Variants in NRCAM observed in about 807,000 individuals in gnomAD.
NRCAM encodes NgCAM-related cell adhesion molecule.
Under a neutral mutation model 156.5 loss-of-function variants are expected in NRCAM, and 83 were observed. The ratio of observed to expected loss-of-function variants is 0.53; its 90% CI spans 0.44 to 0.64. The LOEUF is 0.64. Among genes scored for constraint, NRCAM ranks in the 30% least tolerant of loss-of-function variants. The pLI, the probability that NRCAM is intolerant of heterozygous loss-of-function variation, is 0.00. For missense variants in NRCAM, 1,417 were observed against 1,597.3 expected, an observed-to-expected ratio of 0.89 and a Z score of 1.92; for synonymous variants, 538 against 563.9, an observed-to-expected ratio of 0.95 and a Z score of 0.65.
chr7:108,206,192 A>G (rs7789291), intron 13 of NRCAM, among the ~76,000 whole-genome samples: 36,456 of 152,184 alleles, frequency 0.24, 4,617 homozygotes, highest in Non-Finnish European at 0.28. Flanking sequence ...GGGGCAGGCT[A>G]CAACGACTCA....
intron 11 of NRCAM, among the ~76,000 whole-genome samples, chr7:108,213,342 A>G (rs1588504421): frequency 6.6e-6 from 1 of 152,334 alleles, no homozygotes; most frequent in East Asian, 1.9e-4. Context: ...ATAATTCAAA[A>G]AGCAAAAACA....
In NRCAM at chr7:108,348,425, C is replaced by A. The variant is rs147328010; in HGVS notation, c.-173-35694G>T. On this transcript the variant is annotated intron_variant, in intron 2 of 32. Coordinates refer to ENST00000379028, the MANE Select transcript of NRCAM (RefSeq NM_001037132.4). ...CTTATCTGCCAAGTAAGGAGATTGGCTGTTATCCTTGGGCAGGGAACAGGA... is the reference window on the plus strand; with the variant it reads ...CTTATCTGCCAAGTAAGGAGATTGGATGTTATCCTTGGGCAGGGAACAGGA... Among the ~76,000 whole-genome samples the A allele has an allele frequency of 7.0e-4, 107 of 152,264 alleles. 1 individual carries two copies. The highest frequency in any genetic ancestry group is 4.4e-4 in the Non-Finnish European group (30 of 68,024).
At chr7:108,346,579 C>T (rs1443513733) in intron 2 of NRCAM, among the ~76,000 whole-genome samples, 1 of 152,006 alleles carries the variant, frequency 6.6e-6, no homozygotes, top group African/African-American at 2.4e-5. Context: ...TTTATCCTAC[C>T]TCCTACTCTA....
chr7:108,319,656 T>G (rs1198787321), intron 2 of NRCAM, among the ~76,000 whole-genome samples: 1 of 151,964 alleles, frequency 6.6e-6, no homozygotes, highest in Non-Finnish European at 1.5e-5. Context: ...GCTCCTAGAG[T>G]GTGTGGTGAT....
chr7:108,164,290 C>G (rs369084136), intron 30 of NRCAM, among the ~76,000 whole-genome samples: 1 of 151,840 alleles, frequency 6.6e-6, no homozygotes, highest in Non-Finnish European at 1.5e-5. Flanking sequence ...ATCAGGACAC[C>G]GCCTATCTCG....
intron 2 of NRCAM, among the ~76,000 whole-genome samples, chr7:108,390,246 A>C (rs1021984085): frequency 6.6e-6 from 1 of 152,136 alleles, no homozygotes; most frequent in Non-Finnish European, 1.5e-5. Flanking sequence ...TTATTGGTCT[A>C]TTCAGGGATT....
intron 1 of NRCAM, among the ~76,000 whole-genome samples, chr7:108,403,163 C>T (rs1054217158): frequency 6.6e-6 from 1 of 152,324 alleles, no homozygotes; most frequent in African/African-American, 2.4e-5. Flanking sequence ...ACATTTCAGA[C>T]TGACAGTTAA....
chr7:108,444,117 T>C (rs1375079045), intron 1 of NRCAM, among the ~76,000 whole-genome samples: 3 of 152,284 alleles, frequency 2.0e-5, no homozygotes, highest in African/African-American at 7.2e-5. Context: ...ATAATATAAA[T>C]TTTAAAACAA....
At chr7:108,226,814 T>C (rs1269628) in intron 8 of NRCAM, among the ~76,000 whole-genome samples, 59,465 of 152,128 alleles carry the variant, frequency 0.39, 13,870 homozygotes, top group East Asian at 0.83. Context: ...AGAAACTAAA[T>C]ACGTGGAGAC....
chr7:108,302,528 T>G (rs1461969336), intron 3 of NRCAM, among the ~76,000 whole-genome samples: 1 of 152,172 alleles, frequency 6.6e-6, no homozygotes, highest in East Asian at 1.9e-4. Flanking sequence ...ATGTCTCAAA[T>G]AAGATTGTAT....
chr7:108,326,077 T>C (rs758414928), intron 2 of NRCAM, among the ~76,000 whole-genome samples: 2 of 152,192 alleles, frequency 1.3e-5, no homozygotes, highest in Non-Finnish European at 2.9e-5. Flanking sequence ...TATTTTAAAT[T>C]CTTTTTGTAA....
intron 11 of NRCAM, among the ~76,000 whole-genome samples, chr7:108,222,262 T>C (rs17155195): frequency 0.019 from 2,915 of 152,304 alleles, 103 homozygotes; most frequent in African/African-American, 0.066. Flanking sequence ...AGCTACTGTA[T>C]TGAGCCATTG....
At chr7:108,183,187 C>T (rs1333517247) in intron 22 of NRCAM, among the ~76,000 whole-genome samples, 2 of 152,218 alleles carry the variant, frequency 1.3e-5, no homozygotes, top group Non-Finnish European at 2.9e-5. Context: ...TCTGGCTCTA[C>T]CGTCAAGGAT....
At chr7:108,281,099 G>T (rs569252495) in intron 3 of NRCAM, among the ~76,000 whole-genome samples, 10 of 152,136 alleles carry the variant, frequency 6.6e-5, no homozygotes, top group African/African-American at 2.4e-4. Flanking sequence ...GCTTTTGAAT[G>T]ACTGTATTTG....
intron 3 of NRCAM, among the ~76,000 whole-genome samples, chr7:108,285,809 CT>C (rs1377286358): frequency 6.6e-6 from 1 of 152,208 alleles, no homozygotes; most frequent in Admixed American, 6.5e-5. Flanking sequence ...ACTCCACCAT[CT>C]ATCTCTTTGA....
At chr7:108,343,937 C>A (rs891983873) in intron 2 of NRCAM, among the ~76,000 whole-genome samples, 6 of 152,188 alleles carry the variant, frequency 3.9e-5, no homozygotes, top group Admixed American at 6.5e-5. Flanking sequence ...TAAAACTACA[C>A]ATCGTTCTTC....
intron 30 of NRCAM, among the ~76,000 whole-genome samples, chr7:108,163,836 G>T (rs1452705437): frequency 9.6e-6 from 1 of 104,042 alleles, no homozygotes; most frequent in Non-Finnish European, 1.9e-5. Flanking sequence ...TACCGGGTGG[G>T]GTGGCGGTAA....
intron 1 of NRCAM, among the ~76,000 whole-genome samples, chr7:108,425,841 T>G (rs1597543700): frequency 6.6e-6 from 1 of 152,190 alleles, no homozygotes; most frequent in African/African-American, 2.4e-5. Context: ...GAGTTCATGG[T>G]TCACACATCA....
At chr7:108,157,679 A>C (rs1311443711) in intron 32 of NRCAM, among the ~76,000 whole-genome samples, 1 of 152,236 alleles carries the variant, frequency 6.6e-6, no homozygotes, top group South Asian at 2.1e-4. Flanking sequence ...CCTTGATTTT[A>C]GTCAAGTTTT....
Sources: allele counts gnomAD v4.1 joint callset (sites outside exome capture counted in the v4.1 genomes callset), GRCh38; gene constraint gnomAD v4.1.1; transcripts MANE v1.5; gene names NCBI Gene and HGNC (gene_info 2026-07-23, HGNC 2026-07-21).